Variants in LAMB4 observed in about 807,000 individuals in gnomAD.
LAMB4 encodes the protein laminin subunit beta-4.
A neutral mutation model predicts 199.2 loss-of-function variants in LAMB4; 196 were observed. The observed-to-expected ratio is 0.98, with a 90% CI of 0.88 to 1.11. The LOEUF is 1.11. Among genes scored for constraint, LAMB4 ranks in the 50% least tolerant of loss-of-function variants. The pLI is 0.00. For missense variants in LAMB4, 2,080 were observed against 2,171.2 expected, an observed-to-expected ratio of 0.96 and a Z score of 0.83; for synonymous variants, 744 against 770.6, an observed-to-expected ratio of 0.97 and a Z score of 0.57.
chr7:108,038,456 C>G (rs1320941881), intron 29 of LAMB4, among the ~76,000 whole-genome samples: 5 of 152,124 alleles, frequency 3.3e-5, no homozygotes, highest in Non-Finnish European at 7.4e-5. Context: ...CACTGTGCCC[C>G]CCAAAGAAAC....
intron 16 of LAMB4, 88 bp from the exon 17 acceptor site, chr7:108,077,152 T>C: frequency 3.6e-6 from 5 of 1,373,230 alleles, no homozygotes; most frequent in Non-Finnish European, 5.1e-6. Context: ...AGCATTGCAC[T>C]TGTACTGGGC....
In LAMB4 at chr7:108,028,093, T is replaced by C. The variant is rs374088882; in HGVS notation, c.5146+950A>G. 4.1e-4 allele frequency among the ~76,000 whole-genome samples: 63 copies of C among 152,080 alleles called. 1 individual carries two copies. In the South Asian group the frequency reaches 0.012, roughly 29 times the overall value. ...GCCACCGCGCCTGGCCGGTATTCCA[T>C]GTTTGCAACACTTTGTGTGCATCAG... is the stretch of plus-strand genomic sequence containing the variant. On this transcript the variant is annotated intron_variant, in intron 33 of 33. Coordinates refer to ENST00000388781, the MANE Select transcript of LAMB4 (RefSeq NM_007356.3).
intron 30 of LAMB4, among the ~76,000 whole-genome samples, chr7:108,036,605 G>A (rs2035239965): frequency 6.6e-6 from 1 of 152,248 alleles, no homozygotes; most frequent in South Asian, 2.1e-4. Flanking sequence ...CGTGGATGAT[G>A]AGACAGTGAC....
rs943709777 is a variant in LAMB4, at chr7:108,082,939, A to G, written c.1702-3153T>C. On this transcript the variant is annotated intron_variant, in intron 14 of 33. Coordinates refer to ENST00000388781, the MANE Select transcript of LAMB4 (RefSeq NM_007356.3). Reference sequence around the variant, plus strand: ...GGCAGACGGAAGTCAATTACCACAAATTTAACCGTGGTATAGTCCCACTTG... The same window carrying G: ...GGCAGACGGAAGTCAATTACCACAAGTTTAACCGTGGTATAGTCCCACTTG... Among the ~76,000 whole-genome samples the G allele has an allele frequency of 2.1e-4, 32 of 152,182 alleles. 1 individual carries two copies. Among genetic ancestry groups the G allele is most frequent in the Non-Finnish European group, 2.9e-5 (2 of 68,028 alleles).
rs142993997 is a variant in LAMB4, at chr7:108,111,873, A to G, written c.266T>C (p.Ile89Thr). ...DPYDQPNSHT[I>T]ENVIVSFEPD... is the part of the protein sequence containing the mutation. ...TTCAAAACTTACAATGACATTCTCA[A>G]TGGTGTGGCTGTTGGGTTGGTCATA... Residue 89 changes from isoleucine (I) to threonine (T), a missense_variant, in exon 4 of 34, where the codon ATT becomes ACT. Coordinates refer to ENST00000388781, the MANE Select transcript of LAMB4 (RefSeq NM_007356.3). 41 of 1,611,782 alleles carry G rather than the reference A, an allele frequency of 2.5e-5. No individual in the cohort carries two copies. The highest frequency in any genetic ancestry group is 9.9e-5 in the South Asian group (9 of 90,462).
At chr7:108,039,198 G>A (rs1018999067) in intron 29 of LAMB4, among the ~76,000 whole-genome samples, 2 of 152,122 alleles carry the variant, frequency 1.3e-5, no homozygotes, top group African/African-American at 4.8e-5. Flanking sequence ...GGGAGCAGAT[G>A]GCACAAGTCC....
chr7:108,085,074 T>C (rs1372429863), intron 14 of LAMB4, among the ~76,000 whole-genome samples: 1 of 152,140 alleles, frequency 6.6e-6, no homozygotes, highest in Non-Finnish European at 1.5e-5. Context: ...TTCCCTGCGT[T>C]AGCCAACTAC....
At chr7:108,126,653 T>C (rs1029642644) in intron 1 of LAMB4, among the ~76,000 whole-genome samples, 3 of 134,902 alleles carry the variant, frequency 2.2e-5, no homozygotes, top group African/African-American at 8.3e-5. Context: ...CAAGCTCCGC[T>C]TCCCGGGTTC....
chr7:108,030,878 C>T lies in LAMB4; in HGVS notation c.4920G>A (p.Arg1640=). The T allele has an allele frequency of 6.2e-7, 1 of 1,614,118 alleles. No homozygotes were observed. The highest frequency in any genetic ancestry group is 8.5e-7 in the Non-Finnish European group (1 of 1,179,990). ...TCGCATTGACAGCGTGGTCTTGATG[C>T]CTTTGCAACTTGGTCTGCAGCAGGG... is the stretch of plus-strand genomic sequence containing the variant. ...GLSLLQTKLQ[R]HQDHAVNAKV... Residue 1640 remains arginine, a synonymous_variant, in exon 32 of 34, where the codon AGG becomes AGA. Coordinates refer to ENST00000388781, the MANE Select transcript of LAMB4 (RefSeq NM_007356.3).
chr7:108,105,756 A>G (rs2150655366), intron 8 of LAMB4, 61 bp downstream of exon 8: 1 of 1,382,198 alleles, frequency 7.2e-7, no homozygotes, highest in Non-Finnish European at 1.0e-6. Flanking sequence ...ATCTATATAT[A>G]GCACCAGGAC....
intron 2 of LAMB4, among the ~76,000 whole-genome samples, chr7:108,116,674 A>G (rs778168717): frequency 2.6e-5 from 4 of 152,192 alleles, no homozygotes; most frequent in African/African-American, 4.8e-5. Context: ...ATTTTGTGCA[A>G]TACTAGGAAA....
At chr7:108,066,007 C>T (rs1344495629) in intron 20 of LAMB4, 88 bp from the exon 21 acceptor site, 4 of 1,281,656 alleles carry the variant, frequency 3.1e-6, no homozygotes, top group Middle Eastern at 3.8e-4. Flanking sequence ...TAAAACAGTG[C>T]ACCTCTGAAA....
chr7:108,123,245 G>A, intron 1 of LAMB4, 48 bp from the exon 2 acceptor site: 1 of 1,158,410 alleles, frequency 8.6e-7, no homozygotes, highest in Admixed American at 2.0e-5. Flanking sequence ...AGAAATAATT[G>A]CCATCATCAC....
chr7:108,106,986 C>T (rs757969043), intron 6 of LAMB4, among the ~76,000 whole-genome samples: 5 of 152,134 alleles, frequency 3.3e-5, no homozygotes, highest in Admixed American at 6.5e-5. Context: ...GTACCAGGAG[C>T]AGAAATAAAT....
At chr7:108,053,402 A>G (rs1276104551) in intron 25 of LAMB4, among the ~76,000 whole-genome samples, 1 of 152,214 alleles carries the variant, frequency 6.6e-6, no homozygotes, top group Non-Finnish European at 1.5e-5. Context: ...ATAGAACTAC[A>G]TGAGGCCTGG....
At chr7:108,072,610 T>C (rs1455176679) in intron 17 of LAMB4, among the ~76,000 whole-genome samples, 1 of 152,172 alleles carries the variant, frequency 6.6e-6, no homozygotes, top group East Asian at 1.9e-4. Context: ...GTCTGTGCCC[T>C]GTCACGGTTC....
intron 5 of LAMB4, among the ~76,000 whole-genome samples, chr7:108,108,050 C>T (rs2038087724): frequency 6.6e-6 from 1 of 152,150 alleles, no homozygotes; most frequent in Non-Finnish European, 1.5e-5. Context: ...AGGTGATCCT[C>T]CCACCTCAGC....
intron 13 of LAMB4, 145 bp from the exon 14 acceptor site, chr7:108,091,921 G>T: frequency 1.2e-6 from 1 of 819,016 alleles, no homozygotes; most frequent in South Asian, 1.8e-5. Context: ...ATGCAGAAAG[G>T]CCATGGGTTT....
At chr7:108,029,281 A>AT in intron 32 of LAMB4, 85 bp from the exon 33 acceptor site, 1 of 1,225,242 alleles carries the variant, frequency 8.2e-7, no homozygotes, top group Non-Finnish European at 1.1e-6. Context: ...TTCCATTCAT[A>AT]GAAGGAATAC....
Sources: allele counts gnomAD v4.1 joint callset (sites outside exome capture counted in the v4.1 genomes callset), GRCh38; gene constraint gnomAD v4.1.1; transcripts MANE v1.5; gene names NCBI Gene and HGNC (gene_info 2026-07-23, HGNC 2026-07-21).